FAM83G: variants seen among roughly 807,000 people sequenced by gnomAD.
FAM83G encodes scaffolding CK1 anchoring protein G.
FAM83G carries 38 observed loss-of-function variants against 61.5 expected under a neutral mutation model. The observed-to-expected ratio is 0.62, with a 90% confidence interval of 0.48 to 0.81. The LOEUF (loss-of-function observed/expected upper bound fraction) is 0.81, where lower values mean the gene tolerates loss of function less well. FAM83G is among the 30% of genes least tolerant of loss of function. FAM83G has a pLI of 0.00. For synonymous variants in FAM83G, 470 were observed against 476.1 expected (o/e 0.99, Z 0.17); for missense variants, 989 against 1,133.6 (o/e 0.87, Z 1.83).
intron 2 of FAM83G, among the ~76,000 whole-genome samples, chr17:18,995,027 G>A (rs2043527843): frequency 6.6e-6 from 1 of 152,122 alleles, no homozygotes; most frequent in African/African-American, 2.4e-5. Flanking sequence ...TAACCTAACT[G>A]CATCCCAGAA....
chr17:18,980,242 G>A (rs528766397), intron 3 of FAM83G, among the ~76,000 whole-genome samples: 2 of 152,242 alleles, frequency 1.3e-5, no homozygotes, highest in South Asian at 2.1e-4. Context: ...GCTCTGCTCC[G>A]AGGACAGGAC....
chr17:18,981,276 C>T lies in FAM83G; in HGVS notation c.691-1603G>A, dbSNP rs142760836. 3.5e-3 allele frequency among the ~76,000 whole-genome samples: 526 copies of T among 151,850 alleles called. 2 individuals carry two copies. The highest frequency in any genetic ancestry group is 4.2e-3 in the Non-Finnish European group (287 of 67,958). ...GGGGAAGCATTCCAGGGAAGGGACT[C>T]AAAGACCAGGCATGAGAGGCCTTTG... On this transcript the variant is annotated intron_variant, in intron 3 of 5. Transcript: ENST00000388995.
Position 19,003,477 on chromosome 17 carries a change from G to A in FAM83G, c.522+43C>T. On this transcript the variant is annotated intron_variant, in intron 2 of 5. Transcript: ENST00000388995. The surrounding 1 kb of genome is among the most constrained non-coding windows in gnomAD (Gnocchi z 4.5). ...GAGCCTGTATTGAGAGGGGTCCGGT[G>A]GCTGGTTGGGCCATGGCTCCAGGAG... The A allele has an allele frequency of 6.7e-7, 1 of 1,500,780 alleles. No homozygotes were observed. Among genetic ancestry groups the A allele is most frequent in the Non-Finnish European group, 8.9e-7 (1 of 1,124,918 alleles). The allele number at this position is 1,500,780 out of a possible 1,614,324, so 93.0% of individuals were successfully genotyped here.
intron 3 of FAM83G, among the ~76,000 whole-genome samples, chr17:18,979,937 C>T (rs2043086587): frequency 1.3e-5 from 2 of 152,150 alleles, no homozygotes; most frequent in East Asian, 3.9e-4. Context: ...GGCTTTGGCC[C>T]TAAAGGTGTC....
At chr17:18,992,436 G>C (rs1209694547) in intron 2 of FAM83G, among the ~76,000 whole-genome samples, 1 of 152,230 alleles carries the variant, frequency 6.6e-6, no homozygotes. Context: ...AGGGGTGACA[G>C]CATCTCACAC....
rs1897496276 is a variant in FAM83G at position 18,996,762 on chromosome 17, G to A, written c.522+6758C>T. On this transcript the variant is annotated intron_variant, in intron 2 of 5. Coordinates refer to ENST00000388995, the MANE Select transcript of FAM83G (RefSeq NM_001039999.3). This position sits in a 1 kb window ranked among gnomAD's most constrained non-coding sequence, Gnocchi z 4.4. ...GCCACCCTGTCAACTAGTGGCAGAG[G>A]TCTCCTGTTCCTAGGCTTTTCTCCT... Among the ~76,000 whole-genome samples the A allele has an allele frequency of 6.6e-6, 1 of 152,190 alleles. No individual in the cohort carries two copies. Among genetic ancestry groups the A allele is most frequent in the African/African-American group, 2.4e-5 (1 of 41,440 alleles).
In FAM83G at chr17:18,969,311, C is replaced by G. The variant is rs781509862; in HGVS notation, c.*2048G>C. On this transcript the variant is annotated 3_prime_UTR_variant, in exon 6 of 6. Transcript: ENST00000388995. ...GTGTCCCTCCTCCCTGGGGCCAGGG[C>G]CCCCTCCAGCAACCTTGCTTCCACT... 1.2e-6 allele frequency: 2 copies of G among 1,607,558 alleles called. No homozygotes were observed. The highest frequency in any genetic ancestry group is 1.7e-6 in the Non-Finnish European group (2 of 1,176,100).
chr17:18,987,460 C>A (rs2043300100), intron 3 of FAM83G, among the ~76,000 whole-genome samples: 1 of 152,244 alleles, frequency 6.6e-6, no homozygotes, highest in African/African-American at 2.4e-5. Context: ...GCTCTGCACG[C>A]AGCAGGTGCC....
Position 18,971,329 on chromosome 17 carries a change from G to T in FAM83G, c.*30C>A. On this transcript the variant is annotated 3_prime_UTR_variant, in exon 6 of 6. Transcript: ENST00000388995. The surrounding 1 kb of genome is among the most constrained non-coding windows in gnomAD (Gnocchi z 5.5). ...GTCATGAGTCTGGGCTGGGGCCTCA[G>T]AAGGTGTGGCTCCAGGCTGGGACAT... is the stretch of plus-strand genomic sequence containing the variant. The T allele has an allele frequency of 6.2e-7, 1 of 1,606,954 alleles. No individual in the cohort carries two copies. The highest frequency in any genetic ancestry group is 8.5e-7 in the Non-Finnish European group (1 of 1,175,502).
chr17:18,992,083 C>A (rs931018742), intron 2 of FAM83G, among the ~76,000 whole-genome samples: 1 of 152,166 alleles, frequency 6.6e-6, no homozygotes, highest in Non-Finnish European at 1.5e-5. Context: ...TCCCTGGGGG[C>A]TCCTGGTGCC....
intron 2 of FAM83G, among the ~76,000 whole-genome samples, chr17:18,988,687 G>GT (rs1762003270): frequency 6.6e-6 from 1 of 152,254 alleles, no homozygotes. Flanking sequence ...TGCCCTCCTT[G>GT]TAACACCTGG....
At position 19,004,229 on chromosome 17, in the gene FAM83G, C is replaced by G; in HGVS notation, c.-128-60G>C. Reference sequence around the variant, plus strand: ...GGAGGGCGGGCCGCGCGGGGAGGGGCGGCGGGGGCGGGGCCGGGAACTCAG... The same window carrying G: ...GGAGGGCGGGCCGCGCGGGGAGGGGGGGCGGGGGCGGGGCCGGGAACTCAG... On this transcript the variant is annotated intron_variant, in intron 1 of 5. Coordinates refer to ENST00000388995, the MANE Select transcript of FAM83G (RefSeq NM_001039999.3). The surrounding 1 kb of genome is among the most constrained non-coding windows in gnomAD (Gnocchi z 5.4). 27 of 143,252 alleles carry G rather than the reference C, an allele frequency of 1.9e-4. No homozygotes were observed. The highest frequency in any genetic ancestry group is 7.0e-4 in the South Asian group (7 of 9,956). 8.9% of individuals were successfully genotyped at this position (143,252 alleles called of 1,614,324 possible). A position where few individuals can be genotyped will look rare whatever the true frequency, so the allele number is the denominator to read the frequency against.
Position 19,003,865 on chromosome 17 carries a change from G to C in FAM83G, c.177C>G (p.Leu59=). 4.3e-6 allele frequency: 7 copies of C among 1,613,062 alleles called. No homozygotes were observed. The highest frequency in any genetic ancestry group is 5.1e-6 in the Non-Finnish European group (6 of 1,179,926). ...VLKRENIRDF[L]SELELKRILE... ...GGATGCGCTTGAGCTCCAGCTCCGAGAGGAAGTCTCGGATGTTCTCCCGCT... is the reference window on the plus strand; with the variant it reads ...GGATGCGCTTGAGCTCCAGCTCCGACAGGAAGTCTCGGATGTTCTCCCGCT... The change falls in exon 2 of 6, where the codon CTC becomes CTG. Residue 59 remains leucine (L), a synonymous_variant. Coordinates refer to ENST00000388995, the MANE Select transcript of FAM83G (RefSeq NM_001039999.3). This position sits in a 1 kb window ranked among gnomAD's most constrained non-coding sequence, Gnocchi z 4.5.
At chr17:18,977,472 A>G (rs2043008412) in intron 5 of FAM83G, 112 bp downstream of exon 5, 1 of 1,069,198 alleles carries the variant, frequency 9.4e-7, no homozygotes, top group East Asian at 2.4e-5. Flanking sequence ...TAACAAGGGA[A>G]TTGAAGTCAT....
At chr17:18,979,025 G>C (rs2043062446) in intron 4 of FAM83G, 175 bp from the exon 5 acceptor site, 2 of 709,242 alleles carry the variant, frequency 2.8e-6, no homozygotes, top group South Asian at 3.8e-5. Flanking sequence ...CGGATGTCAA[G>C]CAAGTTGGTT....
At chr17:18,986,690 C>T (rs1044570191) in intron 3 of FAM83G, among the ~76,000 whole-genome samples, 2 of 152,242 alleles carry the variant, frequency 1.3e-5, no homozygotes, top group Non-Finnish European at 1.5e-5. Flanking sequence ...TGGCTGGCCC[C>T]AGGTTAGGGT....
intron 3 of FAM83G, among the ~76,000 whole-genome samples, chr17:18,983,068 G>A (rs968614814): frequency 2.6e-5 from 4 of 152,248 alleles, no homozygotes; most frequent in African/African-American, 9.6e-5. Flanking sequence ...AAAACATCCA[G>A]GAGGGATGGA....
At chr17:18,983,223 G>A (rs1171440472) in intron 3 of FAM83G, among the ~76,000 whole-genome samples, 2 of 152,232 alleles carry the variant, frequency 1.3e-5, no homozygotes, top group Non-Finnish European at 2.9e-5. Context: ...CACCTCCTCA[G>A]GGCCCTGCTG....
chr17:18,995,229 A>G (rs1215570117), intron 2 of FAM83G, among the ~76,000 whole-genome samples: 1 of 152,254 alleles, frequency 6.6e-6, no homozygotes, highest in East Asian at 1.9e-4. Flanking sequence ...AGATAAAGAC[A>G]TAAAAACAGT....
Sources: gnomAD v4.1 joint callset for allele counts (sites outside exome capture counted in the v4.1 genomes callset) on GRCh38, gnomAD v4.1.1 for gene constraint, Gnocchi (gnomAD v3.1) non-coding constraint, MANE v1.5 for transcripts, NCBI Gene and HGNC (gene_info 2026-07-23, HGNC 2026-07-21) for gene names.